Variants in PTPN11 observed in about 807,000 individuals in gnomAD.
The protein encoded by PTPN11 is protein tyrosine phosphatase non-receptor type 11.
A neutral mutation model predicts 78.8 loss-of-function variants in PTPN11; 6 were observed. The ratio of observed to expected loss-of-function variants is 0.08; its 90% CI spans 0.04 to 0.15. The LOEUF is 0.15. Among genes scored for constraint, PTPN11 ranks in the 10% least tolerant of loss-of-function variants. The pLI, the probability that PTPN11 is intolerant of heterozygous loss-of-function variation, is 1.00. For missense variants in PTPN11, 386 were observed against 744.8 expected (o/e 0.52, Z 5.61); for synonymous variants, 221 against 263.5 (o/e 0.84, Z 1.56).
In PTPN11 at chr12:112,454,549, T is replaced by A. The variant is rs2135869182; in HGVS notation, c.526-15T>A. ...AAGGTAACAAATAATAAATGTCATG[T>A]GTTTATCTTGAAAGGAACTGAAATA... On this transcript the variant is annotated splice_polypyrimidine_tract_variant and intron_variant, in intron 4 of 15. Coordinates refer to ENST00000351677, the MANE Select transcript of PTPN11 (RefSeq NM_002834.5). 6.4e-7 allele frequency: 1 copy of A among 1,564,704 alleles called. No individual in the cohort carries two copies. Among genetic ancestry groups the A allele is most frequent in the Non-Finnish European group, 8.8e-7 (1 of 1,135,710 alleles).
rs1424434395 is a variant in PTPN11 at position 112,419,060 on chromosome 12, C to G, written c.-52C>G. On this transcript the variant is annotated 5_prime_UTR_variant, in exon 1 of 16. Transcript: ENST00000351677. ...GCCAGCCCGATGTGACCGAGCCCAG[C>G]GGAGCCTGAGCAAGGAGCGGGTCCG... The G allele has an allele frequency of 1.3e-6, 2 of 1,534,038 alleles. No homozygotes were observed. Among genetic ancestry groups the G allele is most frequent in the South Asian group, 2.4e-5 (2 of 83,050 alleles).
intron 13 of PTPN11, among the ~76,000 whole-genome samples, chr12:112,493,640 C>T (rs958783424): frequency 3.9e-5 from 6 of 152,050 alleles, no homozygotes; most frequent in African/African-American, 1.2e-4. Flanking sequence ...CTACCCACCT[C>T]GGCCTCCCAA....
rs377280270 is a variant in PTPN11, at chr12:112,465,422, A to G, written c.757-7522A>G. On this transcript the variant is annotated intron_variant, in intron 6 of 15. Coordinates refer to ENST00000351677, the MANE Select transcript of PTPN11 (RefSeq NM_002834.5). ...TGCACTCCAGCCTGAGTGTATCACA[A>G]AAAAAAAAAAAAAAGGTTTTTGCCC... is the stretch of plus-strand genomic sequence containing the variant. Among the ~76,000 whole-genome samples, 4 of 146,314 alleles carry G rather than the reference A, an allele frequency of 2.7e-5. No individual in the cohort carries two copies. The East Asian group carries it at 5.9e-4, about 22-fold the overall frequency.
intron 1 of PTPN11, among the ~76,000 whole-genome samples, chr12:112,435,421 ATT>A (rs1056396751): frequency 6.6e-6 from 1 of 152,212 alleles, no homozygotes; most frequent in Non-Finnish European, 1.5e-5. Flanking sequence ...TTTAGAATCT[ATT>A]TTAAAAAAAG....
chr12:112,484,655 A>T (rs2038646681), intron 10 of PTPN11, among the ~76,000 whole-genome samples: 1 of 152,044 alleles, frequency 6.6e-6, no homozygotes, highest in Admixed American at 6.6e-5. Context: ...CCTTCTGATG[A>T]TGGGGAGGGG....
chr12:112,434,606 CAAA>C (rs879943475), intron 1 of PTPN11, among the ~76,000 whole-genome samples: 1 of 103,606 alleles, frequency 9.7e-6, no homozygotes, highest in Admixed American at 1.0e-4. Context: ...GACTCCGTCT[CAAA>C]AAAAAAAAAA....
Position 112,435,827 on chromosome 12 carries a change from A to G in PTPN11, c.15-10449A>G, listed in dbSNP as rs374783445. Among the ~76,000 whole-genome samples the G allele has an allele frequency of 4.6e-5, 7 of 152,284 alleles. No individual in the cohort carries two copies. In the East Asian group the frequency reaches 5.8e-4, roughly 13 times the overall value. On this transcript the variant is annotated intron_variant, in intron 1 of 15. Transcript: ENST00000351677. ...GAAACAATCAGCAGATATGATACCAAACATGAGCTGTCAGTGATAATGGAT... is the reference window on the plus strand; with the variant it reads ...GAAACAATCAGCAGATATGATACCAGACATGAGCTGTCAGTGATAATGGAT...
intron 2 of PTPN11, among the ~76,000 whole-genome samples, chr12:112,448,113 AT>A (rs2135858585): frequency 6.6e-6 from 1 of 151,220 alleles, no homozygotes; most frequent in Non-Finnish European, 1.5e-5. Flanking sequence ...GAGAAATCTC[AT>A]TCTTACTCCT....
At chr12:112,421,304 G>T (rs2037518954) in intron 1 of PTPN11, among the ~76,000 whole-genome samples, 1 of 152,098 alleles carries the variant, frequency 6.6e-6, no homozygotes, top group Non-Finnish European at 1.5e-5. Context: ...GATCAGTTTT[G>T]ACATACATAT....
rs1566162691 is a variant in PTPN11 at position 112,442,858 on chromosome 12, AT to A, written c.15-3417del. Among the ~76,000 whole-genome samples, 449 of 99,782 alleles carry A rather than the reference AT, an allele frequency of 4.5e-3. 16 individuals carry two copies. In the East Asian group the frequency reaches 0.058, roughly 13 times the overall value. The allele number at this position is 99,782 out of a possible 152,430, so 65.5% of individuals were successfully genotyped here. On this transcript the variant is annotated intron_variant, in intron 1 of 15. Transcript: ENST00000351677. ...TATATATATATATATATATATATAT[AT>A]ATATATATATATATATATAAATTAT...
intron 1 of PTPN11, 43 bp from the exon 2 acceptor site, chr12:112,446,233 A>G: frequency 2.5e-6 from 4 of 1,611,378 alleles, no homozygotes; most frequent in Non-Finnish European, 3.4e-6. Context: ...TAGTGCTGAC[A>G]GTGTCTTGTT....
At chr12:112,454,802 G>T in intron 5 of PTPN11, 122 bp downstream of exon 5, 1 of 695,556 alleles carries the variant, frequency 1.4e-6, no homozygotes, top group Non-Finnish European at 2.6e-6. Context: ...ACCCATTGCA[G>T]CTTCAACTAT....
intron 1 of PTPN11, among the ~76,000 whole-genome samples, chr12:112,420,265 T>G (rs1472627689): frequency 6.6e-6 from 1 of 152,202 alleles, no homozygotes; most frequent in Non-Finnish European, 1.5e-5. Flanking sequence ...TTTCCATGAT[T>G]GTTCAATTAT....
In PTPN11 at chr12:112,486,492, G is replaced by T. The variant is rs552394167; in HGVS notation, c.1242G>T (p.Thr414=). Residue 414 remains threonine (T), a synonymous_variant, in exon 11 of 16, where the codon ACG becomes ACT. Transcript: ENST00000351677. ...SKVGQGNTER[T]VWQYHFRTWP... ...TACTCCAGGGGAATACGGAGAGAAC[G>T]GTCTGGCAATACCACTTTCGGACCT... The T allele has an allele frequency of 1.7e-5, 28 of 1,613,934 alleles. No homozygotes were observed. Among genetic ancestry groups the T allele is most frequent in the African/African-American group, 4.0e-5 (3 of 74,916 alleles).
intron 6 of PTPN11, among the ~76,000 whole-genome samples, chr12:112,467,083 G>A (rs1257393121): frequency 6.6e-6 from 1 of 152,124 alleles, no homozygotes; most frequent in Admixed American, 6.5e-5. Flanking sequence ...GGAATGTTCA[G>A]TGGCCATAAA....
chr12:112,454,765 A>G (rs769339758), intron 5 of PTPN11, 85 bp downstream of exon 5: 6 of 898,072 alleles, frequency 6.7e-6, no homozygotes, highest in Non-Finnish European at 1.1e-5. Context: ...ACAGAGGTAG[A>G]CAGAATAGTA....
intron 5 of PTPN11, 129 bp from the exon 6 acceptor site, chr12:112,455,821 G>T: frequency 1.5e-6 from 1 of 672,148 alleles, no homozygotes. Context: ...GTGAATTACA[G>T]GGTCCTATGA....
At chr12:112,464,045 C>G (rs2038288940) in intron 6 of PTPN11, among the ~76,000 whole-genome samples, 1 of 152,164 alleles carries the variant, frequency 6.6e-6, no homozygotes, top group Admixed American at 6.5e-5. Context: ...GTGATTGTAC[C>G]TTAGTTGTTT....
rs962730580 is a variant in PTPN11 at position 112,436,605 on chromosome 12, A to C, written c.15-9671A>C. 3.3e-5 allele frequency among the ~76,000 whole-genome samples: 5 copies of C among 152,216 alleles called. No homozygotes were observed. In the East Asian group the frequency reaches 9.6e-4, roughly 29 times the overall value. ...ATGGGTGTTAGTCTTTTGGGTTGAAAAACATGAGTAAGTGCTAGAAGAGCA... is the reference window on the plus strand; with the variant it reads ...ATGGGTGTTAGTCTTTTGGGTTGAACAACATGAGTAAGTGCTAGAAGAGCA... On this transcript the variant is annotated intron_variant, in intron 1 of 15. Coordinates refer to ENST00000351677, the MANE Select transcript of PTPN11 (RefSeq NM_002834.5).
Sources: gnomAD v4.1 joint callset for allele counts (sites outside exome capture counted in the v4.1 genomes callset) on GRCh38, gnomAD v4.1.1 for gene constraint, MANE v1.5 for transcripts, NCBI Gene and HGNC (gene_info 2026-07-23, HGNC 2026-07-21) for gene names.